SUMF2: variants seen among roughly 807,000 people sequenced by gnomAD.
The protein encoded by SUMF2 is sulfatase modifying factor 2.
A neutral mutation model predicts 44.8 loss-of-function variants in SUMF2; 45 were observed. The ratio of observed to expected loss-of-function variants is 1.00; its 90% CI spans 0.79 to 1.29. SUMF2 has a LOEUF of 1.29. Among genes scored for constraint, SUMF2 ranks in the 50% most tolerant of loss-of-function variants. The probability of loss-of-function intolerance (pLI) is 0.00; values close to 1 mark genes in which losing one functional copy is unlikely to be tolerated. For missense variants in SUMF2, 418 were observed against 389.9 expected, an observed-to-expected ratio of 1.07 and a Z score of -0.61; for synonymous variants, 148 against 150.4, an observed-to-expected ratio of 0.98 and a Z score of 0.12.
At chr7:56,065,321 C>G (rs947727333) in intron 1 of SUMF2, among the ~76,000 whole-genome samples, 14 of 152,166 alleles carry the variant, frequency 9.2e-5, no homozygotes, top group African/African-American at 3.1e-4. Flanking sequence ...GCACACTCCC[C>G]CTCTCCTGGA....
At chr7:56,066,123 C>G (rs796446765) in intron 1 of SUMF2, among the ~76,000 whole-genome samples, 3 of 123,236 alleles carry the variant, frequency 2.4e-5, no homozygotes, top group Non-Finnish European at 5.3e-5. Flanking sequence ...CAAAACAAAA[C>G]AAAAAAAACG....
the SUMF2 span, chr7:56,087,485 T>G: frequency 1.6e-5 from 16 of 999,166 alleles, no homozygotes; most frequent in African/African-American, 3.2e-5. Flanking sequence ...CTGGGAGCCT[T>G]GAGCCTGGGT....
At position 56,064,355 on chromosome 7, in the gene SUMF2, T is replaced by C. The variant is rs1378796998; in HGVS notation, c.44T>C (p.Leu15Pro). Residue 15 changes from leucine to proline, a missense_variant, in exon 1 of 9, where the codon CTG becomes CCG. Coordinates refer to ENST00000434526, the MANE Select transcript of SUMF2 (RefSeq NM_015411.4). ...CCGCTGCTGCCCCTGCTGTCGCTCC[T>C]GGTCGGCGCGTGGCTCAAGCTAGGT... The part of the protein sequence containing the change: ...GLPLLPLLSL[L>P]VGAWLKLGNG... 6 of 1,604,252 alleles carry C rather than the reference T, an allele frequency of 3.7e-6. No individual in the cohort carries two copies. Among genetic ancestry groups the C allele is most frequent in the Non-Finnish European group, 4.3e-6 (5 of 1,175,964 alleles).
At chr7:56,074,355 C>A in intron 4 of SUMF2, 137 bp downstream of exon 4, 1 of 1,086,520 alleles carries the variant, frequency 9.2e-7, no homozygotes, top group Non-Finnish European at 1.3e-6. Flanking sequence ...GGAAAGCGCT[C>A]AGCAGGCCTG....
At chr7:56,069,984 C>T (rs920506146) in intron 2 of SUMF2, among the ~76,000 whole-genome samples, 1 of 152,134 alleles carries the variant, frequency 6.6e-6, no homozygotes, top group South Asian at 2.1e-4. Flanking sequence ...TCTCAGCTCA[C>T]CACAACCTCC....
chr7:56,081,933 G>C (rs759747023), downstream of SUMF2: 3 of 1,613,786 alleles, frequency 1.9e-6, no homozygotes, highest in East Asian at 2.2e-5. This position sits in a 1 kb window ranked among gnomAD's most constrained non-coding sequence, Gnocchi z 4.6. Context: ...CCACTCGGGC[G>C]AGCCAAACTG....
chr7:56,068,286 C>A (rs572559099), intron 1 of SUMF2, among the ~76,000 whole-genome samples, 196 bp from the exon 2 acceptor site: 1 of 151,986 alleles, frequency 6.6e-6, no homozygotes, highest in Non-Finnish European at 1.5e-5. Context: ...CTACCCGCCT[C>A]GGCCTCTCAA....
At chr7:56,068,785 C>G in intron 2 of SUMF2, 147 bp downstream of exon 2, 1 of 871,130 alleles carries the variant, frequency 1.1e-6, no homozygotes, top group Non-Finnish European at 1.7e-6. Context: ...TCACTGCAAC[C>G]TCCACCTCCC....
chr7:56,071,396 C>T (rs534850762), intron 2 of SUMF2, among the ~76,000 whole-genome samples: 2 of 151,474 alleles, frequency 1.3e-5, no homozygotes, highest in Non-Finnish European at 2.9e-5. Flanking sequence ...GGCTGAGGCA[C>T]GAGAATCTCT....
chr7:56,064,327 T>C lies in SUMF2; in HGVS notation c.16T>C (p.Leu6=). Residue 6 remains leucine, a synonymous_variant, in exon 1 of 9, where the codon TTA becomes CTA. Transcript: ENST00000434526. Reference sequence around the variant, plus strand: ...GGCAGTCCTGATGGCCCGGCATGGGTTACCGCTGCTGCCCCTGCTGTCGCT... The same window carrying C: ...GGCAGTCCTGATGGCCCGGCATGGGCTACCGCTGCTGCCCCTGCTGTCGCT... MARHG[L]PLLPLLSLLV... is the part of the protein sequence containing the mutation. 1 of 1,598,514 alleles carries C rather than the reference T, an allele frequency of 6.3e-7. No individual in the cohort carries two copies. The highest frequency in any genetic ancestry group is 8.5e-7 in the Non-Finnish European group (1 of 1,173,032).
chr7:56,071,247 C>T (rs1256006108), intron 2 of SUMF2, among the ~76,000 whole-genome samples: 1 of 152,100 alleles, frequency 6.6e-6, no homozygotes, highest in African/African-American at 2.4e-5. Context: ...GTCACAGCTA[C>T]TTGGGAGGCT....
Position 56,074,169 on chromosome 7 carries a change from C to G in SUMF2, c.340-5C>G. On this transcript the variant is annotated splice_polypyrimidine_tract_variant and splice_region_variant and intron_variant, in intron 3 of 8. Transcript: ENST00000434526. ...TCTTGCAGTCGGTCTCCTTCTTTTT[C>G]GCAGTCTGTACTCTGGTGGCTTCCA... 1 of 1,613,864 alleles carries G rather than the reference C, an allele frequency of 6.2e-7. No homozygotes were observed. The highest frequency in any genetic ancestry group is 8.5e-7 in the Non-Finnish European group (1 of 1,179,978).
Position 56,080,117 on chromosome 7 carries a change from A to C in SUMF2, c.*505A>C. 1.9e-6 allele frequency: 1 copy of C among 518,274 alleles called. No individual in the cohort carries two copies. The highest frequency in any genetic ancestry group is 3.4e-6 in the Non-Finnish European group (1 of 291,192). The allele number at this position is 518,274 out of a possible 1,614,324, so 32.1% of individuals were successfully genotyped here. A position where few individuals can be genotyped will look rare whatever the true frequency, so the allele number is the denominator to read the frequency against. On this transcript the variant is annotated 3_prime_UTR_variant, in exon 9 of 9. Coordinates refer to ENST00000434526, the MANE Select transcript of SUMF2 (RefSeq NM_015411.4). ...AGGAAACTAGTTTCCACTGTGTAAC[A>C]GGCAGACATGTAACTATTTAAAGCA...
In SUMF2 at chr7:56,079,830, G is replaced by T; in HGVS notation, c.*218G>T. On this transcript the variant is annotated 3_prime_UTR_variant, in exon 9 of 9. Transcript: ENST00000434526. Reference sequence around the variant, plus strand: ...AGGGGCCCAATGTGTGTTGACGATGGCTGGGGGCCAGGTGTTTCTGTTAGA... The same window carrying T: ...AGGGGCCCAATGTGTGTTGACGATGTCTGGGGGCCAGGTGTTTCTGTTAGA... The T allele has an allele frequency of 6.4e-7, 1 of 1,551,760 alleles. No individual in the cohort carries two copies. Among genetic ancestry groups the T allele is most frequent in the Non-Finnish European group, 8.7e-7 (1 of 1,146,884 alleles).
the SUMF2 span, among the ~76,000 whole-genome samples, chr7:56,086,025 C>A: frequency 6.6e-6 from 1 of 151,566 alleles, no homozygotes; most frequent in Non-Finnish European, 1.5e-5. Flanking sequence ...CAGTCTTGAC[C>A]CTCCAAACTC....
the SUMF2 span, chr7:56,087,519 G>C: frequency 2.1e-6 from 3 of 1,419,040 alleles, no homozygotes; most frequent in Non-Finnish European, 2.9e-6. Context: ...TGTGCGGTGG[G>C]GCCACACTCC....
intron 4 of SUMF2, 180 bp downstream of exon 4, chr7:56,074,398 C>T (rs1795391873): frequency 3.1e-6 from 3 of 978,490 alleles, no homozygotes; most frequent in African/African-American, 3.3e-5. Context: ...TCCTGTTACC[C>T]ATCCATTTCT....
At position 56,064,501 on chromosome 7, in the gene SUMF2, G is replaced by A. The variant is rs896797524; in HGVS notation, c.67+123G>A. On this transcript the variant is annotated intron_variant, in intron 1 of 8. Coordinates refer to ENST00000434526, the MANE Select transcript of SUMF2 (RefSeq NM_015411.4). The stretch of plus-strand genomic sequence containing the variant: ...GATGCGGCTGCAGCGGCAGGCTGGG[G>A]AGGTAGCTCTCGGTGCGCGTGGCGC... 15 of 1,383,786 alleles carry A rather than the reference G, an allele frequency of 1.1e-5. No individual in the cohort carries two copies. The Admixed American group carries it at 3.6e-4, about 33-fold the overall frequency. The allele number at this position is 1,383,786 out of a possible 1,614,324, so 85.7% of individuals were successfully genotyped here.
chr7:56,070,500 C>G (rs1432983169), intron 2 of SUMF2, among the ~76,000 whole-genome samples: 1 of 151,812 alleles, frequency 6.6e-6, no homozygotes, highest in Non-Finnish European at 1.5e-5. Flanking sequence ...CATGGTAGCA[C>G]ACACTTGTAG....
Sources: gnomAD v4.1 joint callset for allele counts (sites outside exome capture counted in the v4.1 genomes callset) on GRCh38, gnomAD v4.1.1 for gene constraint, Gnocchi (gnomAD v3.1) non-coding constraint, MANE v1.5 for transcripts, NCBI Gene and HGNC (gene_info 2026-07-23, HGNC 2026-07-21) for gene names.